Variants in ZNF525 observed in about 807,000 individuals in gnomAD.
ZNF525 encodes the protein zinc finger protein 525.
ZNF525 carries 33 observed loss-of-function variants against 37.6 expected under a neutral mutation model. The observed-to-expected ratio is 0.88, with a 90% CI of 0.67 to 1.17. The LOEUF is 1.17. Among genes scored for constraint, ZNF525 ranks in the 50% most tolerant of loss-of-function variants. The pLI is 0.00. For synonymous variants in ZNF525, 170 were observed against 182.3 expected, an observed-to-expected ratio of 0.93 and a Z score of 0.54; for missense variants, 449 against 543.1, an observed-to-expected ratio of 0.83 and a Z score of 1.72.
At chr19:53,379,167 G>A (rs1278637355) in intron 3 of ZNF525, among the ~76,000 whole-genome samples, 9 of 152,006 alleles carry the variant, frequency 5.9e-5, no homozygotes, top group Admixed American at 5.9e-4. Flanking sequence ...TCAAGCTGGA[G>A]TGCAGTGGTG....
At chr19:53,371,105 A>G (rs1396058318) in intron 1 of ZNF525, among the ~76,000 whole-genome samples, 4 of 151,594 alleles carry the variant, frequency 2.6e-5, no homozygotes, top group Non-Finnish European at 5.9e-5. Flanking sequence ...GCTGTCTCCC[A>G]TGCCCTCCAC....
chr19:53,366,547 A>G (rs2085446761), intron 1 of ZNF525, among the ~76,000 whole-genome samples: 1 of 151,762 alleles, frequency 6.6e-6, no homozygotes, highest in Non-Finnish European at 1.5e-5. Flanking sequence ...AGTGAAAAAA[A>G]AAAAAAAAAA....
intron 3 of ZNF525, among the ~76,000 whole-genome samples, chr19:53,378,198 T>C (rs1600022366): frequency 6.6e-6 from 1 of 152,176 alleles, no homozygotes; most frequent in African/African-American, 2.4e-5. Context: ...GGCTCAAGCC[T>C]GTAATCCCAG....
At chr19:53,378,541 C>CA (rs1471443073) in intron 3 of ZNF525, among the ~76,000 whole-genome samples, 4 of 151,854 alleles carry the variant, frequency 2.6e-5, no homozygotes, top group South Asian at 2.1e-4. Flanking sequence ...CAAAAACAAA[C>CA]AAAAAAAGAA....
At chr19:53,375,327 C>T (rs1030545791) in intron 2 of ZNF525, among the ~76,000 whole-genome samples, 3 of 152,172 alleles carry the variant, frequency 2.0e-5, no homozygotes, top group East Asian at 1.9e-4. Flanking sequence ...AGAATTGGGC[C>T]TGCAATTCCA....
chr19:53,384,556 G>A lies in ZNF525; in HGVS notation c.*2537G>A, dbSNP rs997747388. 1.9e-5 allele frequency: 3 copies of A among 157,120 alleles called. No individual in the cohort carries two copies. Among genetic ancestry groups the A allele is most frequent in the African/African-American group, 7.2e-5 (3 of 41,518 alleles). 9.7% of individuals were successfully genotyped at this position (157,120 alleles called of 1,614,324 possible). On this transcript the variant is annotated 3_prime_UTR_variant, in exon 4 of 4. Coordinates refer to ENST00000474037, the MANE Select transcript of ZNF525 (RefSeq NM_001348156.2). The stretch of plus-strand genomic sequence containing the variant: ...AGTATTTCTTATTTTAAGTTCTCCA[G>A]CAAATGGAAGTGTGTTAAAATTTTC...
At chr19:53,371,191 A>C (rs968010538) in intron 1 of ZNF525, among the ~76,000 whole-genome samples, 1 of 143,624 alleles carries the variant, frequency 7.0e-6, no homozygotes, top group Non-Finnish European at 1.5e-5. Flanking sequence ...CAATCACATC[A>C]GAAACGCTTT....
chr19:53,385,100 C>G lies in ZNF525; in HGVS notation c.*3081C>G. 3.8e-6 allele frequency: 2 copies of G among 520,634 alleles called. No individual in the cohort carries two copies. The highest frequency in any genetic ancestry group is 3.3e-5 in the East Asian group (1 of 30,010). The allele number at this position is 520,634 out of a possible 1,614,324, so 32.3% of individuals were successfully genotyped here. ...GATTTGCTTGAATATGTTGAACCAT[C>G]CTTGCATCCCAGAAATAACTGGCAC... On this transcript the variant is annotated 3_prime_UTR_variant, in exon 4 of 4. Transcript: ENST00000474037.
chr19:53,368,463 A>G (rs1385792847), intron 1 of ZNF525, among the ~76,000 whole-genome samples: 1 of 152,112 alleles, frequency 6.6e-6, no homozygotes, highest in African/African-American at 2.4e-5. Flanking sequence ...GGGGCTTGAA[A>G]CTGTGGGCAT....
rs1225006255 is a variant in ZNF525, at chr19:53,382,115, C to G, written c.*96C>G. On this transcript the variant is annotated 3_prime_UTR_variant, in exon 4 of 4. Coordinates refer to ENST00000474037, the MANE Select transcript of ZNF525 (RefSeq NM_001348156.2). Reference sequence around the variant, plus strand: ...TCAGTCATACGTCATCCATTGTATACCATCATAAATTTCATAGTGGAGAGA... The same window carrying G: ...TCAGTCATACGTCATCCATTGTATAGCATCATAAATTTCATAGTGGAGAGA... 1 of 1,556,346 alleles carries G rather than the reference C, an allele frequency of 6.4e-7. No homozygotes were observed. Among genetic ancestry groups the G allele is most frequent in the Non-Finnish European group, 8.8e-7 (1 of 1,134,758 alleles).
chr19:53,375,532 C>T (rs1332857235), intron 2 of ZNF525, among the ~76,000 whole-genome samples: 3 of 152,042 alleles, frequency 2.0e-5, no homozygotes, highest in Admixed American at 6.6e-5. Context: ...TTGCAGTGAG[C>T]GGAGACTATG....
rs750861473 is a variant in ZNF525, at chr19:53,372,308, T to C, written c.15+12T>C. ...TGGCTCTTCCTCAGGTGAGACGATATTCTCAGTGGATTGTTCTGTCTCCTT... is the reference window on the plus strand; with the variant it reads ...TGGCTCTTCCTCAGGTGAGACGATACTCTCAGTGGATTGTTCTGTCTCCTT... On this transcript the variant is annotated intron_variant, in intron 2 of 3. Transcript: ENST00000474037. 9 of 788,092 alleles carry C rather than the reference T, an allele frequency of 1.1e-5. No individual in the cohort carries two copies. Among genetic ancestry groups the C allele is most frequent in the African/African-American group, 1.7e-5 (1 of 58,950 alleles). The allele number at this position is 788,092 out of a possible 1,614,324, so 48.8% of individuals were successfully genotyped here.
rs758043648 is a variant in ZNF525 at position 53,372,303 on chromosome 19, C to T, written c.15+7C>T. Reference sequence around the variant, plus strand: ...AGGGATGGCTCTTCCTCAGGTGAGACGATATTCTCAGTGGATTGTTCTGTC... The same window carrying T: ...AGGGATGGCTCTTCCTCAGGTGAGATGATATTCTCAGTGGATTGTTCTGTC... On this transcript the variant is annotated splice_region_variant and intron_variant, in intron 2 of 3. Transcript: ENST00000474037. 17 of 786,630 alleles carry T rather than the reference C, an allele frequency of 2.2e-5. 1 individual carries two copies. The highest frequency in any genetic ancestry group is 6.8e-5 in the African/African-American group (4 of 58,898). The allele number at this position is 786,630 out of a possible 1,614,324, so 48.7% of individuals were successfully genotyped here. A position where few individuals can be genotyped will look rare whatever the true frequency, so the allele number is the denominator to read the frequency against.
At position 53,383,140 on chromosome 19, in the gene ZNF525, A is replaced by C. The variant is rs527512563; in HGVS notation, c.*1121A>C. On this transcript the variant is annotated 3_prime_UTR_variant, in exon 4 of 4. Coordinates refer to ENST00000474037, the MANE Select transcript of ZNF525 (RefSeq NM_001348156.2). ...CACGTCATCATAGAACTCATACTGG[A>C]GAGAAACATTACAAGTGTAATGAGT... is the stretch of plus-strand genomic sequence containing the variant. 3.3e-4 allele frequency: 440 copies of C among 1,328,640 alleles called. 1 individual carries two copies. The South Asian group carries it at 5.0e-3, about 15-fold the overall frequency. 82.3% of individuals were successfully genotyped at this position (1,328,640 alleles called of 1,614,324 possible). A position where few individuals can be genotyped will look rare whatever the true frequency, so the allele number is the denominator to read the frequency against.
At chr19:53,379,025 GTA>G (rs145894575) in intron 3 of ZNF525, among the ~76,000 whole-genome samples, 7 of 150,684 alleles carry the variant, frequency 4.6e-5, no homozygotes, top group Non-Finnish European at 7.4e-5. Flanking sequence ...ATAGGGCAAT[GTA>G]TATATATATA....
In ZNF525 at chr19:53,381,448, A is replaced by G. The variant is rs553066327; in HGVS notation, c.869A>G (p.His290Arg). ...CAGATGTCATCCCTTACATATCATCATCGACTTCATACTGGAGAGAAACCT... is the reference window on the plus strand; with the variant it reads ...CAGATGTCATCCCTTACATATCATCGTCGACTTCATACTGGAGAGAAACCT... ...FSQMSSLTYH[H>R]RLHTGEKPYK... is the part of the protein sequence containing the mutation. Residue 290 changes from histidine to arginine, a missense_variant, in exon 4 of 4, where the codon CAT becomes CGT. This residue lies in a region of ZNF525 where 271 missense variants were observed against 381.6 expected (regional missense o/e 0.71). Transcript: ENST00000474037. 119 of 1,485,476 alleles carry G rather than the reference A, an allele frequency of 8.0e-5. No homozygotes were observed. In the African/African-American group the frequency reaches 1.1e-3, roughly 13 times the overall value. The allele number at this position is 1,485,476 out of a possible 1,614,324, so 92.0% of individuals were successfully genotyped here. A position where few individuals can be genotyped will look rare whatever the true frequency, so the allele number is the denominator to read the frequency against.
rs754481513 is a variant in ZNF525 at position 53,381,348 on chromosome 19, T to C, written c.769T>C (p.Tyr257His). Reference sequence around the variant, plus strand: ...TGACAAGGTCTTTATTCGGAAGCGATACCTTGCACGCCATCGTAGATGTCA... The same window carrying C: ...TGACAAGGTCTTTATTCGGAAGCGACACCTTGCACGCCATCGTAGATGTCA... ...VCDKVFIRKR[Y>H]LARHRRCHTG... The change falls in exon 4 of 4, where the codon TAC becomes CAC. Residue 257 changes from tyrosine (Y) to histidine (H), a missense_variant. Transcript: ENST00000474037. 9 of 1,590,022 alleles carry C rather than the reference T, an allele frequency of 5.7e-6. No homozygotes were observed. In the East Asian group the frequency reaches 2.0e-4, roughly 35 times the overall value.
intron 3 of ZNF525, chr19:53,376,244 A>G (rs1411881951): frequency 1.4e-6 from 1 of 705,510 alleles, no homozygotes; most frequent in Non-Finnish European, 2.6e-6. Flanking sequence ...GTACCTAACT[A>G]TTGGCTTTTG....
chr19:53,367,575 T>C (rs1326586562), intron 1 of ZNF525, among the ~76,000 whole-genome samples: 4 of 152,190 alleles, frequency 2.6e-5, no homozygotes, highest in Admixed American at 6.5e-5. Flanking sequence ...TTTCTAGAAC[T>C]ACTCCTATTA....
Sources: gnomAD v4.1 joint callset for allele counts (sites outside exome capture counted in the v4.1 genomes callset) on GRCh38, gnomAD v4.1.1 for gene constraint, gnomAD v4.1.1 regional missense constraint, MANE v1.5 for transcripts, NCBI Gene and HGNC (gene_info 2026-07-23, HGNC 2026-07-21) for gene names.